Variants in OSBPL5 observed in about 807,000 individuals in gnomAD.
The protein encoded by OSBPL5 is oxysterol binding protein like 5, also known as oxysterol-binding protein-related protein 5.
A neutral mutation model predicts 111.2 loss-of-function variants in OSBPL5; 71 were observed. That is an observed-to-expected ratio of 0.64 (90% CI 0.53 to 0.78). The LOEUF (loss-of-function observed/expected upper bound fraction) is 0.78, where lower values mean the gene tolerates loss of function less well. OSBPL5 is among the 30% of genes least tolerant of loss of function. The pLI is 0.00. For missense variants in OSBPL5, 1,210 were observed against 1,189.3 expected (o/e 1.02, Z -0.26); for synonymous variants, 549 against 513.9 (o/e 1.07, Z -0.93).
At chr11:3,136,158 G>A (rs1029846555) in intron 1 of OSBPL5, among the ~76,000 whole-genome samples, 3 of 152,170 alleles carry the variant, frequency 2.0e-5, no homozygotes, top group Non-Finnish European at 4.4e-5. Flanking sequence ...CTGACCCCAC[G>A]CCAAGGCCAG....
At chr11:3,124,811 A>AATGGATGGATGGATGGATGGATGG (rs71035488) in intron 3 of OSBPL5, among the ~76,000 whole-genome samples, 1 of 150,666 alleles carries the variant, frequency 6.6e-6, no homozygotes, top group African/African-American at 2.4e-5. Context: ...TGAATGGATG[A>AATGGATGGATGGATGGATGGATGG]ATGGATGGAT....
chr11:3,131,351 A>G (rs1858819340), intron 1 of OSBPL5, among the ~76,000 whole-genome samples: 1 of 122,208 alleles, frequency 8.2e-6, no homozygotes, highest in African/African-American at 2.8e-5. Context: ...CCAGGCATCC[A>G]TCCATCCATC....
chr11:3,145,508 C>T (rs1336854535), intron 1 of OSBPL5, among the ~76,000 whole-genome samples: 3 of 152,250 alleles, frequency 2.0e-5, no homozygotes, highest in Non-Finnish European at 2.9e-5. Context: ...AGTTGGCACT[C>T]ACTTGCCTGC....
rs546393853 is a variant in OSBPL5 at position 3,117,365 on chromosome 11, C to T, written c.691+2182G>A. Among the ~76,000 whole-genome samples the T allele has an allele frequency of 5.9e-5, 9 of 152,318 alleles. No individual in the cohort carries two copies. The East Asian group carries it at 9.6e-4, about 16-fold the overall frequency. ...TTGGAACCTCAAGAAGATAATAATTCGCCCAACTTATAGGTGTTTAATGGT... is the reference window on the plus strand; with the variant it reads ...TTGGAACCTCAAGAAGATAATAATTTGCCCAACTTATAGGTGTTTAATGGT... On this transcript the variant is annotated intron_variant, in intron 7 of 21. Transcript: ENST00000263650.
At chr11:3,091,458 G>T (rs1857052175) in intron 19 of OSBPL5, among the ~76,000 whole-genome samples, 1 of 152,148 alleles carries the variant, frequency 6.6e-6, no homozygotes, top group African/African-American at 2.4e-5. Context: ...GGTTTTTGAG[G>T]CATGGCAGGG....
In OSBPL5 at chr11:3,130,358, C is replaced by T. The variant is rs533254070; in HGVS notation, c.-21-1189G>A. Among the ~76,000 whole-genome samples the T allele has an allele frequency of 9.8e-5, 15 of 152,380 alleles. No individual in the cohort carries two copies. In the East Asian group the frequency reaches 2.9e-3, roughly 29 times the overall value. On this transcript the variant is annotated intron_variant, in intron 1 of 21. Transcript: ENST00000263650. This position sits in a 1 kb window ranked among gnomAD's most constrained non-coding sequence, Gnocchi z 4.5. ...TCAGGGCAGGCCAGTGGCATCCTGC[C>T]AAGCCCGGGACAAAGGCCTCGATTT...
rs1858419860 is a variant in OSBPL5, at chr11:3,121,603, A to G, written c.402+394T>C. 6.6e-6 allele frequency among the ~76,000 whole-genome samples: 1 copy of G among 152,132 alleles called. No individual in the cohort carries two copies. The highest frequency in any genetic ancestry group is 2.1e-4 in the South Asian group (1 of 4,828). On this transcript the variant is annotated intron_variant, in intron 5 of 21. Transcript: ENST00000263650. The surrounding 1 kb of genome is among the most constrained non-coding windows in gnomAD (Gnocchi z 4.3). ...GAGGCTCAGAGGCGAGTGAATGGCC[A>G]CGGTCTCCGTGAGGTCTGAACACAG...
intron 15 of OSBPL5, 48 bp downstream of exon 15, chr11:3,094,189 T>C: frequency 6.4e-7 from 1 of 1,568,370 alleles, no homozygotes; most frequent in Non-Finnish European, 8.7e-7. Flanking sequence ...TCCCCAAGGC[T>C]TCGTTCCTTC....
rs1188829957 is a variant in OSBPL5 at position 3,112,011 on chromosome 11, G to A, written c.692-4066C>T. ...TGTGTGTGCATGTGTGTGTGTGTGC[G>A]CGCATGTGTGTGCATGTGTGTGTAT... is the stretch of plus-strand genomic sequence containing the variant. On this transcript the variant is annotated intron_variant, in intron 7 of 21. Transcript: ENST00000263650. 6.1e-5 allele frequency among the ~76,000 whole-genome samples: 8 copies of A among 130,460 alleles called. No homozygotes were observed. The East Asian group carries it at 6.3e-4, about 10-fold the overall frequency. The allele number at this position is 130,460 out of a possible 152,430, so 85.6% of individuals were successfully genotyped here.
Position 3,101,522 on chromosome 11 carries a change from C to T in OSBPL5, c.1522+81G>A. On this transcript the variant is annotated intron_variant, in intron 13 of 21. Coordinates refer to ENST00000263650, the MANE Select transcript of OSBPL5 (RefSeq NM_020896.4). ...ACAGGCACATGGCCCCCATCCAGAT[C>T]TTGGTCCACTGGCTCCCGGAGTCCT... 3 of 1,319,430 alleles carry T rather than the reference C, an allele frequency of 2.3e-6. No homozygotes were observed. The South Asian group carries it at 3.8e-5, about 17-fold the overall frequency. The allele number at this position is 1,319,430 out of a possible 1,614,324, so 81.7% of individuals were successfully genotyped here. A position where few individuals can be genotyped will look rare whatever the true frequency, so the allele number is the denominator to read the frequency against.
In OSBPL5 at chr11:3,104,248, G is replaced by A. The variant is rs372029383; in HGVS notation, c.1189C>T (p.Arg397Cys). The A allele has an allele frequency of 4.0e-5, 64 of 1,613,402 alleles. No homozygotes were observed. Among genetic ancestry groups the A allele is most frequent in the African/African-American group, 2.4e-4 (18 of 74,928 alleles). The change falls in exon 10 of 22, where the codon CGC (arginine) becomes TGC (cysteine). Residue 397 changes from arginine (R) to cysteine (C), a missense_variant. Transcript: ENST00000263650. The surrounding 1 kb of genome is among the most constrained non-coding windows in gnomAD (Gnocchi z 5.0). ...TCGGAGAGCTTGTTCAGGAAGGAGC[G>A]CGGCTCCAGTACGAACGTGGGTAGC... is the stretch of plus-strand genomic sequence containing the variant. ...VVLPTFVLEP[R>C]SFLNKLSDYY... is the part of the protein sequence containing the mutation.
intron 10 of OSBPL5, among the ~76,000 whole-genome samples, chr11:3,103,873 T>TGCCTGTGCCGCCCCCTTCCA (rs1564830811): frequency 4.4e-5 from 1 of 22,590 alleles, no homozygotes; most frequent in African/African-American, 1.4e-4. Context: ...GCCCCCTTCC[T>TGCCTGTGCCGCCCCCTTCCA]GCCTCTGTAG....
intron 3 of OSBPL5, among the ~76,000 whole-genome samples, chr11:3,123,355 G>GA (rs1463828822): frequency 2.6e-5 from 4 of 151,900 alleles, no homozygotes; most frequent in Non-Finnish European, 4.4e-5. Context: ...TTAATCAGTT[G>GA]AAAAAAAATC....
chr11:3,122,140 C>G lies in OSBPL5; in HGVS notation c.301-42G>C, dbSNP rs774187370. 3.3e-6 allele frequency: 5 copies of G among 1,520,954 alleles called. No homozygotes were observed. The Admixed American group carries it at 5.9e-5, about 18-fold the overall frequency. 94.2% of individuals were successfully genotyped at this position (1,520,954 alleles called of 1,614,324 possible). ...CGCGGTGGGTCATGGGAGAAGGCAC[C>G]GAGCTGCCCCAGCTCCTCCCACCGT... On this transcript the variant is annotated intron_variant, in intron 4 of 21. Coordinates refer to ENST00000263650, the MANE Select transcript of OSBPL5 (RefSeq NM_020896.4).
intron 1 of OSBPL5, among the ~76,000 whole-genome samples, chr11:3,137,685 T>A (rs1845987738): frequency 6.6e-6 from 1 of 152,216 alleles, no homozygotes; most frequent in East Asian, 1.9e-4. Context: ...GGCACATGCC[T>A]GTGGTCCCAG....
At chr11:3,143,886 C>A (rs1846238090) in intron 1 of OSBPL5, among the ~76,000 whole-genome samples, 1 of 152,230 alleles carries the variant, frequency 6.6e-6, no homozygotes, top group African/African-American at 2.4e-5. Context: ...GGCACCCGGG[C>A]TGCAGTGCAC....
In OSBPL5 at chr11:3,092,211, G is replaced by A. The variant is rs1490397596; in HGVS notation, c.2259+221C>T. 6.6e-6 allele frequency among the ~76,000 whole-genome samples: 1 copy of A among 152,090 alleles called. No homozygotes were observed. The highest frequency in any genetic ancestry group is 2.4e-5 in the African/African-American group (1 of 41,410). On this transcript the variant is annotated intron_variant, in intron 19 of 21. Transcript: ENST00000263650. The surrounding 1 kb of genome is among the most constrained non-coding windows in gnomAD (Gnocchi z 5.4). ...CAGTGGACAGAGACAGTAGACACAG[G>A]GTCCCACAAGCCAAGGTGCCCCTAG...
At chr11:3,099,574 A>C (rs1405057393) in intron 14 of OSBPL5, among the ~76,000 whole-genome samples, 1 of 152,206 alleles carries the variant, frequency 6.6e-6, no homozygotes, top group Non-Finnish European at 1.5e-5. Flanking sequence ...AAGAAATCCA[A>C]ACTTTGAAAC....
chr11:3,133,377 C>T (rs1024455658), intron 1 of OSBPL5, among the ~76,000 whole-genome samples: 1 of 152,252 alleles, frequency 6.6e-6, no homozygotes, highest in African/African-American at 2.4e-5. Context: ...TGGGATCCCA[C>T]TCAAACTGGG....
Sources: allele counts gnomAD v4.1 joint callset (sites outside exome capture counted in the v4.1 genomes callset), GRCh38; gene constraint gnomAD v4.1.1; non-coding constraint Gnocchi (gnomAD v3.1); transcripts MANE v1.5; gene names NCBI Gene and HGNC (gene_info 2026-07-23, HGNC 2026-07-21).